GSG1L: variants seen among roughly 807,000 people sequenced by gnomAD.
GSG1L encodes the protein GSG1 like.
A neutral mutation model predicts 42.1 loss-of-function variants in GSG1L; 24 were observed. The observed-to-expected ratio is 0.57, with a 90% CI of 0.41 to 0.80. The LOEUF is 0.80. GSG1L is among the 30% of genes least tolerant of loss of function. The pLI, the probability that GSG1L is intolerant of heterozygous loss-of-function variation, is 0.00. For synonymous variants in GSG1L, 215 were observed against 203.5 expected (o/e 1.06, Z -0.48); for missense variants, 445 against 472.2 (o/e 0.94, Z 0.53).
Position 27,814,633 on chromosome 16 carries a change from C to T in GSG1L, c.831-7079G>A, listed in dbSNP as rs182778443. 4.8e-3 allele frequency among the ~76,000 whole-genome samples: 711 copies of T among 148,486 alleles called. 11 individuals are homozygous for T. Among genetic ancestry groups the T allele is most frequent in the African/African-American group, 0.017 (688 of 40,214 alleles). On this transcript the variant is annotated intron_variant, in intron 5 of 6. Transcript: ENST00000447459. ...CCAGGAGGCGGAGGTTGCAGTGAGC[C>T]GAGATTGCACCATTGCACTCCAGCC...
intron 1 of GSG1L, among the ~76,000 whole-genome samples, chr16:28,051,802 T>C (rs1555517007): frequency 3.9e-5 from 6 of 152,128 alleles, no homozygotes; most frequent in Non-Finnish European, 1.5e-5. Flanking sequence ...GCAGGTCTTG[T>C]AGCTACCAGG....
At chr16:27,989,240 T>G (rs2085426576) in intron 1 of GSG1L, among the ~76,000 whole-genome samples, 2 of 152,278 alleles carry the variant, frequency 1.3e-5, no homozygotes, top group East Asian at 3.9e-4. Context: ...GACTATTATT[T>G]TGCAGTCATC....
chr16:27,936,892 C>T (rs1164570567), intron 2 of GSG1L, among the ~76,000 whole-genome samples: 2 of 152,188 alleles, frequency 1.3e-5, no homozygotes, highest in Non-Finnish European at 2.9e-5. Flanking sequence ...AATAAACGTC[C>T]AGGGCAGGAA....
At chr16:27,879,046 G>GT in intron 3 of GSG1L, among the ~76,000 whole-genome samples, 1 of 152,206 alleles carries the variant, frequency 6.6e-6, no homozygotes, top group East Asian at 1.9e-4. Context: ...AGGCTGGGGG[G>GT]TTTTTGATAC....
At chr16:27,959,282 AC>A (rs1262361274) in intron 2 of GSG1L, among the ~76,000 whole-genome samples, 1 of 144,728 alleles carries the variant, frequency 6.9e-6, no homozygotes, top group Non-Finnish European at 1.5e-5. Context: ...ACATGACGAA[AC>A]CCCATCTCTA....
chr16:27,884,388 G>C lies in GSG1L; in HGVS notation c.550+98C>G. On this transcript the variant is annotated intron_variant, in intron 3 of 6. Coordinates refer to ENST00000447459, the MANE Select transcript of GSG1L (RefSeq NM_001109763.2). This position sits in a 1 kb window ranked among gnomAD's most constrained non-coding sequence, Gnocchi z 4.4. ...GAGGCTCACAGAAGAGAAGCAATTT[G>C]TCCAATGCCTCCCGGTTGGTACAAC... The C allele has an allele frequency of 8.7e-7, 1 of 1,144,416 alleles. No individual in the cohort carries two copies. Among genetic ancestry groups the C allele is most frequent in the East Asian group, 2.6e-5 (1 of 38,778 alleles). 70.9% of individuals were successfully genotyped at this position (1,144,416 alleles called of 1,614,324 possible).
chr16:27,888,348 CG>C (rs2084054814), intron 2 of GSG1L, among the ~76,000 whole-genome samples: 1 of 152,184 alleles, frequency 6.6e-6, no homozygotes, highest in South Asian at 2.1e-4. Context: ...GAAATAGGCA[CG>C]GGTACCCCGA....
At chr16:27,947,559 AAG>A (rs1400036821) in intron 2 of GSG1L, among the ~76,000 whole-genome samples, 5 of 86,480 alleles carry the variant, frequency 5.8e-5, no homozygotes, top group African/African-American at 1.9e-4. Flanking sequence ...GAAAGAAAGA[AAG>A]AAAGAAAGAA....
intron 2 of GSG1L, among the ~76,000 whole-genome samples, chr16:27,908,397 G>C (rs1224615288): frequency 6.6e-6 from 1 of 152,230 alleles, no homozygotes; most frequent in Admixed American, 6.5e-5. Flanking sequence ...CATGGCAATA[G>C]AGAACTGATG....
intron 1 of GSG1L, among the ~76,000 whole-genome samples, chr16:28,054,073 T>C (rs9923468): frequency 0.4 from 60,897 of 151,758 alleles, 12,659 homozygotes; most frequent in South Asian, 0.56. Context: ...CGTCTGTCAC[T>C]CCCCACTCCT....
intron 1 of GSG1L, among the ~76,000 whole-genome samples, chr16:28,042,745 A>G (rs533558705): frequency 6.6e-6 from 1 of 152,238 alleles, no homozygotes; most frequent in Non-Finnish European, 1.5e-5. Context: ...CAGGTCCTTG[A>G]GACGTGCTTG....
At chr16:27,943,139 C>T (rs1022332821) in intron 2 of GSG1L, among the ~76,000 whole-genome samples, 3 of 151,992 alleles carry the variant, frequency 2.0e-5, no homozygotes, top group African/African-American at 7.2e-5. Context: ...ACTACAGCCT[C>T]GAACTCCTGG....
intron 2 of GSG1L, among the ~76,000 whole-genome samples, chr16:27,886,914 G>T (rs1261779498): frequency 6.6e-6 from 1 of 152,066 alleles, no homozygotes; most frequent in Non-Finnish European, 1.5e-5. Flanking sequence ...TACTGGGAAA[G>T]AGAAGCTCTC....
In GSG1L at chr16:27,828,772, AC is replaced by A. The variant is rs1024889153; in HGVS notation, c.830+16del. Reference sequence around the variant, plus strand: ...AGAGTCCCCGTGGTGGCCAGAGGTAACCCCCTGTGCACTGACCTCTCCCGGA... The same window carrying A: ...AGAGTCCCCGTGGTGGCCAGAGGTAACCCCTGTGCACTGACCTCTCCCGGA... On this transcript the variant is annotated intron_variant, in intron 5 of 6. Transcript: ENST00000447459. The A allele has an allele frequency of 3.7e-6, 6 of 1,607,126 alleles. No homozygotes were observed. The African/African-American group carries it at 6.7e-5, about 18-fold the overall frequency.
intron 2 of GSG1L, among the ~76,000 whole-genome samples, chr16:27,948,957 AC>A (rs1308680707): frequency 1.4e-5 from 2 of 140,836 alleles, no homozygotes; most frequent in Non-Finnish European, 3.1e-5. Context: ...TCATTCTGTT[AC>A]CCAGACTGGA....
In GSG1L at chr16:28,063,158, C is replaced by G; in HGVS notation, c.267G>C (p.Trp89Cys). 7.1e-7 allele frequency: 1 copy of G among 1,402,050 alleles called. No homozygotes were observed. Among genetic ancestry groups the G allele is most frequent in the Non-Finnish European group, 9.3e-7 (1 of 1,070,440 alleles). The allele number at this position is 1,402,050 out of a possible 1,614,324, so 86.9% of individuals were successfully genotyped here. A position where few individuals can be genotyped will look rare whatever the true frequency, so the allele number is the denominator to read the frequency against. Residue 89 changes from tryptophan (W) to cysteine (C), a missense_variant, in exon 1 of 7, where the codon TGG (tryptophan) becomes TGC (cysteine). Trp to Cys is a radical substitution (Grantham distance 215). This residue lies in a region of GSG1L where 149 missense variants were observed against 223.3 expected (regional missense o/e 0.67). Coordinates refer to ENST00000447459, the MANE Select transcript of GSG1L (RefSeq NM_001109763.2). This position sits in a 1 kb window ranked among gnomAD's most constrained non-coding sequence, Gnocchi z 5.8. ...NGPPGGALYS[W>C]ETGDDRFLFR... is the part of the protein sequence containing the mutation. ...AGAGGAAGCGGTCGTCGCCGGTCTC[C>G]CAGCTGTAGAGCGCGCCGCCAGGGG...
At chr16:27,888,404 CTT>C (rs2084057463) in intron 2 of GSG1L, among the ~76,000 whole-genome samples, 2 of 9,850 alleles carry the variant, frequency 2.0e-4, no homozygotes, top group African/African-American at 3.7e-4. Context: ...TTTTCTCCTT[CTT>C]TCTTTCTTTC....
chr16:28,055,865 G>A (rs1596737541), intron 1 of GSG1L, among the ~76,000 whole-genome samples: 1 of 152,132 alleles, frequency 6.6e-6, no homozygotes, highest in African/African-American at 2.4e-5. Context: ...GCAGAGGCCC[G>A]AGGTTGCAGC....
intron 1 of GSG1L, among the ~76,000 whole-genome samples, chr16:28,024,380 C>A (rs1322503357): frequency 6.6e-6 from 1 of 152,228 alleles, no homozygotes; most frequent in African/African-American, 2.4e-5. Context: ...AAACTTGCAT[C>A]TGACATGATG....
Sources: gnomAD v4.1 joint callset for allele counts (sites outside exome capture counted in the v4.1 genomes callset) on GRCh38, gnomAD v4.1.1 for gene constraint, gnomAD v4.1.1 regional missense constraint, Gnocchi (gnomAD v3.1) non-coding constraint, MANE v1.5 for transcripts, NCBI Gene and HGNC (gene_info 2026-07-23, HGNC 2026-07-21) for gene names.